Variants in NCOA2 observed in about 807,000 individuals in gnomAD.
NCOA2 encodes nuclear receptor coactivator 2, also known as class E basic helix-loop-helix protein 75.
Under a neutral mutation model 145.1 loss-of-function variants are expected in NCOA2, and 21 were observed. The ratio of observed to expected loss-of-function variants is 0.14; its 90% CI spans 0.10 to 0.21. NCOA2 has a LOEUF of 0.21. NCOA2 is among the 10% of genes least tolerant of loss of function. The probability of loss-of-function intolerance (pLI) is 1.00; values close to 1 mark genes in which losing one functional copy is unlikely to be tolerated. For missense variants in NCOA2, 1,472 were observed against 1,837.6 expected (o/e 0.80, Z 3.64); for synonymous variants, 619 against 637.5 (o/e 0.97, Z 0.44).
chr8:70,414,011 T>C, the NCOA2 span, among the ~76,000 whole-genome samples: 1 of 152,328 alleles, frequency 6.6e-6, no homozygotes, highest in Admixed American at 6.5e-5. Context: ...CTGTCACACA[T>C]GTTATAAATA....
At chr8:70,375,501 T>C (rs952488836) in intron 1 of NCOA2, among the ~76,000 whole-genome samples, 5 of 152,232 alleles carry the variant, frequency 3.3e-5, no homozygotes, top group Middle Eastern at 3.4e-3. Flanking sequence ...TAAACATAGA[T>C]AGAAATTAAA....
chr8:70,122,879 G>A (rs893608101), intron 21 of NCOA2, among the ~76,000 whole-genome samples: 1 of 152,158 alleles, frequency 6.6e-6, no homozygotes, highest in Non-Finnish European at 1.5e-5. Flanking sequence ...GTGATTTCAT[G>A]CTTAAGTCAT....
chr8:70,415,651 C>T, the NCOA2 span, among the ~76,000 whole-genome samples: 2 of 152,258 alleles, frequency 1.3e-5, no homozygotes, highest in South Asian at 4.1e-4. Context: ...CCTCTACAGC[C>T]CATATGGCTC....
intron 2 of NCOA2, among the ~76,000 whole-genome samples, chr8:70,250,970 G>A (rs964143719): frequency 2.0e-5 from 3 of 152,144 alleles, no homozygotes; most frequent in Admixed American, 1.3e-4. Flanking sequence ...TAAATAGTAA[G>A]ATAGTAAGGG....
chr8:70,398,796 T>G (rs1231155776), intron 1 of NCOA2, among the ~76,000 whole-genome samples: 2 of 152,168 alleles, frequency 1.3e-5, no homozygotes, highest in African/African-American at 4.8e-5. Flanking sequence ...AACTGAAAAT[T>G]ATCCTGGAAT....
At chr8:70,267,391 T>C (rs1011626245) in intron 2 of NCOA2, among the ~76,000 whole-genome samples, 1 of 112,782 alleles carries the variant, frequency 8.9e-6, no homozygotes, top group Non-Finnish European at 1.7e-5. Flanking sequence ...GTTTCCTTTC[T>C]GTTTTTTTTT....
chr8:70,321,581 C>CA (rs1238889098), intron 1 of NCOA2, among the ~76,000 whole-genome samples: 1 of 151,878 alleles, frequency 6.6e-6, no homozygotes, highest in African/African-American at 2.4e-5. Context: ...CAGTAGGTAC[C>CA]AGGCAGGCTG....
intron 2 of NCOA2, 86 bp from the exon 3 acceptor site, chr8:70,216,850 T>C: frequency 2.4e-6 from 2 of 836,350 alleles, no homozygotes; most frequent in Non-Finnish European, 2.0e-6. Flanking sequence ...AATAAAAGAA[T>C]TTTGACTCCA....
intron 2 of NCOA2, among the ~76,000 whole-genome samples, chr8:70,246,689 A>G (rs1227029385): frequency 1.3e-5 from 2 of 151,980 alleles, no homozygotes; most frequent in African/African-American, 4.8e-5. Flanking sequence ...GCAAAACCGA[A>G]ACTCTACACC....
intron 2 of NCOA2, among the ~76,000 whole-genome samples, chr8:70,261,044 C>T (rs902540903): frequency 2.0e-5 from 3 of 152,198 alleles, no homozygotes; most frequent in African/African-American, 4.8e-5. Flanking sequence ...GTCAGTGTGG[C>T]GATTCCTCAG....
chr8:70,193,918 C>T (rs746679933), intron 4 of NCOA2, among the ~76,000 whole-genome samples: 7 of 152,226 alleles, frequency 4.6e-5, no homozygotes, highest in East Asian at 1.9e-4. Flanking sequence ...GATGAATGTA[C>T]GGGAAGCAGC....
intron 2 of NCOA2, among the ~76,000 whole-genome samples, chr8:70,292,590 G>A (rs940868226): frequency 4.0e-5 from 6 of 150,682 alleles, no homozygotes; most frequent in Admixed American, 6.6e-5. Flanking sequence ...TAAACACAAT[G>A]TAAAAATATC....
intron 15 of NCOA2, among the ~76,000 whole-genome samples, chr8:70,132,384 C>A (rs1008793903): frequency 1.3e-5 from 2 of 152,128 alleles, no homozygotes; most frequent in Non-Finnish European, 2.9e-5. Context: ...CTTTTCTGCC[C>A]TTTAGTAGGA....
At chr8:70,419,553 A>G in the NCOA2 span, among the ~76,000 whole-genome samples, 1 of 151,272 alleles carries the variant, frequency 6.6e-6, no homozygotes, top group Non-Finnish European at 1.5e-5. Flanking sequence ...TCTTGTCCCT[A>G]CTTATTGTTT....
At chr8:70,246,042 CATCTT>C (rs1399973069) in intron 2 of NCOA2, among the ~76,000 whole-genome samples, 1 of 152,054 alleles carries the variant, frequency 6.6e-6, no homozygotes, top group Non-Finnish European at 1.5e-5. Context: ...ATGGCCAAAG[CATCTT>C]AAAAAATAAT....
At chr8:70,180,939 C>CA (rs760635403) in intron 4 of NCOA2, among the ~76,000 whole-genome samples, 23 of 152,050 alleles carry the variant, frequency 1.5e-4, no homozygotes, top group Non-Finnish European at 2.6e-4. Context: ...CTGATCCTAG[C>CA]AAAAAATTTA....
In NCOA2 at chr8:70,110,995, T is replaced by C. The variant is rs560644931; in HGVS notation, c.*2637A>G. 6.6e-4 allele frequency: 148 copies of C among 223,796 alleles called. 3 individuals are homozygous for C. The highest frequency in any genetic ancestry group is 2.5e-4 in the Non-Finnish European group (28 of 112,176). 13.9% of individuals were successfully genotyped at this position (223,796 alleles called of 1,614,324 possible). On this transcript the variant is annotated 3_prime_UTR_variant, in exon 23 of 23. Transcript: ENST00000452400. ...TTGTGTACAGCATGAGAAATACTGATAATGAAGGGAACTGATTTGGCTTTT... is the reference window on the plus strand; with the variant it reads ...TTGTGTACAGCATGAGAAATACTGACAATGAAGGGAACTGATTTGGCTTTT...
chr8:70,273,333 A>T, intron 2 of NCOA2: 1 of 338,508 alleles, frequency 3.0e-6, no homozygotes, highest in East Asian at 6.5e-5. Context: ...CCTGAGCACC[A>T]ACCCTAGTCC....
intron 18 of NCOA2, among the ~76,000 whole-genome samples, chr8:70,127,496 G>C (rs1055942848): frequency 6.6e-6 from 1 of 152,134 alleles, no homozygotes; most frequent in Non-Finnish European, 1.5e-5. Context: ...AGAGGCAGGA[G>C]GAAAAGGGGA....
Sources: gnomAD v4.1 joint callset for allele counts (sites outside exome capture counted in the v4.1 genomes callset) on GRCh38, gnomAD v4.1.1 for gene constraint, MANE v1.5 for transcripts, NCBI Gene and HGNC (gene_info 2026-07-23, HGNC 2026-07-21) for gene names.